R3HDM2: variants seen among roughly 807,000 people sequenced by gnomAD.
R3HDM2 encodes the protein R3H domain-containing protein 2.
R3HDM2 carries 38 observed loss-of-function variants against 124.5 expected under a neutral mutation model. That is an observed-to-expected ratio of 0.31 (90% confidence interval 0.24 to 0.40). R3HDM2 has a LOEUF of 0.40. R3HDM2 is among the 10% of genes least tolerant of loss of function. The pLI is 1.00. For missense variants in R3HDM2, 869 were observed against 1,236.9 expected (o/e 0.70, Z 4.46); for synonymous variants, 391 against 448.0 (o/e 0.87, Z 1.61).
chr12:57,349,379 CAAAAAAAAAAAAA>C (rs1161831845), intron 2 of R3HDM2, among the ~76,000 whole-genome samples: 5 of 57,744 alleles, frequency 8.7e-5, no homozygotes, highest in South Asian at 6.3e-4. Context: ...ACTCCGTCTC[CAAAAAAAAAAAAA>C]AAAAAAAAAA....
chr12:57,366,955 G>C (rs1031238590), intron 2 of R3HDM2, among the ~76,000 whole-genome samples: 1 of 152,200 alleles, frequency 6.6e-6, no homozygotes, highest in African/African-American at 2.4e-5. Context: ...CCAAAGTGCT[G>C]GGATTACAGG....
intron 2 of R3HDM2, among the ~76,000 whole-genome samples, chr12:57,340,627 C>T (rs1448106246): frequency 6.6e-6 from 1 of 152,054 alleles, no homozygotes; most frequent in East Asian, 1.9e-4. Flanking sequence ...GAGAAGCAGA[C>T]ATTATTACTC....
chr12:57,260,263 C>CAAAAAAAAAAAAAAAAAA (rs566868060), intron 19 of R3HDM2, among the ~76,000 whole-genome samples: 1,799 of 31,530 alleles, frequency 0.057, 568 homozygotes, highest in Middle Eastern at 0.4. Flanking sequence ...GACCCTGCCT[C>CAAAAAAAAAAAAAAAAAA]AAAAAAAAAA....
chr12:57,337,947 G>C (rs2059074166), intron 2 of R3HDM2, among the ~76,000 whole-genome samples: 1 of 152,152 alleles, frequency 6.6e-6, no homozygotes, highest in Non-Finnish European at 1.5e-5. Context: ...ATGAACACTA[G>C]AAATTTTTAT....
At chr12:57,425,109 C>A (rs1360526538) in intron 1 of R3HDM2, among the ~76,000 whole-genome samples, 3 of 152,032 alleles carry the variant, frequency 2.0e-5, no homozygotes, top group South Asian at 4.1e-4. Flanking sequence ...CCTGCCTCTA[C>A]TAAAAATACA....
At chr12:57,390,253 C>T (rs2066463363) in intron 2 of R3HDM2, among the ~76,000 whole-genome samples, 1 of 151,678 alleles carries the variant, frequency 6.6e-6, no homozygotes, top group African/African-American at 2.4e-5. Flanking sequence ...AGGCAGTGAA[C>T]GATAGTGATT....
In R3HDM2 at chr12:57,319,149, A is replaced by G. The variant is rs147389172; in HGVS notation, c.-35-8686T>C. The stretch of plus-strand genomic sequence containing the variant: ...GCTCTATTGCCCAGGCTGGAGTGCA[A>G]GCGGCATGATCTCGGCAACCTCCGC... On this transcript the variant is annotated intron_variant, in intron 2 of 23. Transcript: ENST00000402412. Among the ~76,000 whole-genome samples, 182 of 152,110 alleles carry G rather than the reference A, an allele frequency of 1.2e-3. 1 individual carries two copies. The highest frequency in any genetic ancestry group is 4.1e-3 in the African/African-American group (172 of 41,490).
intron 2 of R3HDM2, among the ~76,000 whole-genome samples, chr12:57,324,544 G>T (rs548708776): frequency 6.6e-6 from 1 of 152,276 alleles, no homozygotes; most frequent in South Asian, 2.1e-4. Context: ...ACAACAACCT[G>T]ATTTCAAAGA....
At chr12:57,300,698 C>G (rs187751646) in intron 4 of R3HDM2, among the ~76,000 whole-genome samples, 1 of 152,162 alleles carries the variant, frequency 6.6e-6, no homozygotes, top group Non-Finnish European at 1.5e-5. Context: ...AGATAATATA[C>G]AGTATGTAAA....
chr12:57,420,959 C>T, intron 1 of R3HDM2, among the ~76,000 whole-genome samples: 1 of 151,966 alleles, frequency 6.6e-6, no homozygotes, highest in Non-Finnish European at 1.5e-5. Context: ...ATTCAAAAAC[C>T]AAACATCTCA....
intron 17 of R3HDM2, chr12:57,268,701 C>T: frequency 1.4e-6 from 1 of 695,654 alleles, no homozygotes; most frequent in Non-Finnish European, 2.3e-6. Context: ...CCACTACTTT[C>T]CTGGGCATAT....
chr12:57,335,201 A>AC (rs2058699448), intron 2 of R3HDM2, among the ~76,000 whole-genome samples: 1 of 151,414 alleles, frequency 6.6e-6, no homozygotes, highest in Admixed American at 6.6e-5. Context: ...GATCTGTGTC[A>AC]ATCTCCCATA....
At chr12:57,317,834 GC>G (rs1406042497) in intron 2 of R3HDM2, among the ~76,000 whole-genome samples, 2 of 151,804 alleles carry the variant, frequency 1.3e-5, no homozygotes, top group Admixed American at 1.3e-4. Flanking sequence ...AAAATTACTA[GC>G]CGGGTGTGGT....
chr12:57,275,501 G>GAAAA (rs56371479), intron 14 of R3HDM2, among the ~76,000 whole-genome samples: 3 of 127,526 alleles, frequency 2.4e-5, no homozygotes, highest in African/African-American at 5.9e-5. Flanking sequence ...CGTTTGCATG[G>GAAAA]AAAAAAAAAA....
At chr12:57,407,474 C>T (rs1236750401) in intron 1 of R3HDM2, among the ~76,000 whole-genome samples, 1 of 151,516 alleles carries the variant, frequency 6.6e-6, no homozygotes, top group Non-Finnish European at 1.5e-5. Flanking sequence ...GGCACAATCT[C>T]AGCTCACTGC....
chr12:57,426,240 T>A lies in R3HDM2; in HGVS notation c.-106+4480A>T, dbSNP rs138451889. Among the ~76,000 whole-genome samples the A allele has an allele frequency of 4.5e-3, 686 of 152,010 alleles. 6 individuals are homozygous for A. Among genetic ancestry groups the A allele is most frequent in the Middle Eastern group, 3.4e-3 (1 of 294 alleles). On this transcript the variant is annotated intron_variant, in intron 1 of 23. Coordinates refer to ENST00000402412, the MANE Select transcript of R3HDM2 (RefSeq NM_001394031.1). ...GAGACTCCATCTCAAAAAAATAAATTAATTAATTAATTAAGGAAAGATAAA... is the reference window on the plus strand; with the variant it reads ...GAGACTCCATCTCAAAAAAATAAATAAATTAATTAATTAAGGAAAGATAAA...
intron 3 of R3HDM2, among the ~76,000 whole-genome samples, chr12:57,309,440 T>C (rs568598601): frequency 2.6e-5 from 4 of 152,310 alleles, no homozygotes; most frequent in East Asian, 1.9e-4. Flanking sequence ...ACAAGGAAGT[T>C]TGGCTAACTA....
chr12:57,292,320 C>T (rs1438381650), intron 11 of R3HDM2, among the ~76,000 whole-genome samples: 1 of 152,192 alleles, frequency 6.6e-6, no homozygotes, highest in African/African-American at 2.4e-5. Flanking sequence ...TTACCAAATT[C>T]AGCCACTCCA....
Position 57,268,421 on chromosome 12 carries a change from G to A in R3HDM2, c.1912C>T (p.Pro638Ser), listed in dbSNP as rs2042931682. The change falls in exon 18 of 24, where the codon CCG becomes TCG. Residue 638 changes from proline to serine, a missense_variant. By Grantham distance (74) the Pro-to-Ser change is moderately conservative. Transcript: ENST00000402412. ...ACCAGCATGGGTTGCTGGAAAGGCG[G>A]CTGGACCACATTTTGCGAGTCACTA... ...VGSDSQNVVQPPFQQPMLVPV... is the reference protein window; with the variant it reads ...VGSDSQNVVQSPFQQPMLVPV... 1 of 1,613,992 alleles carries A rather than the reference G, an allele frequency of 6.2e-7. No individual in the cohort carries two copies. The highest frequency in any genetic ancestry group is 1.3e-5 in the African/African-American group (1 of 74,898).
Sources: allele counts gnomAD v4.1 joint callset (sites outside exome capture counted in the v4.1 genomes callset), GRCh38; gene constraint gnomAD v4.1.1; transcripts MANE v1.5; gene names NCBI Gene and HGNC (gene_info 2026-07-23, HGNC 2026-07-21).